Variants in PARD3B observed in about 807,000 individuals in gnomAD.
The protein encoded by PARD3B is partitioning defective 3 homolog B.
A neutral mutation model predicts 130.2 loss-of-function variants in PARD3B; 103 were observed. The observed-to-expected ratio is 0.79, with a 90% CI of 0.67 to 0.93. The LOEUF is 0.93. Ranked by LOEUF, PARD3B falls within the 40% of genes least tolerant of loss-of-function variation. The pLI, the probability that PARD3B is intolerant of heterozygous loss-of-function variation, is 0.00. For synonymous variants in PARD3B, 583 were observed against 553.2 expected, an observed-to-expected ratio of 1.05 and a Z score of -0.76; for missense variants, 1,609 against 1,499.2, an observed-to-expected ratio of 1.07 and a Z score of -1.21.
chr2:205,581,303 G>GAT lies in PARD3B; in HGVS notation c.3260+27902_3260+27903dup, dbSNP rs1559238346. Among the ~76,000 whole-genome samples, 23 of 104,286 alleles carry GAT rather than the reference G, an allele frequency of 2.2e-4. No homozygotes were observed. The East Asian group carries it at 2.3e-3, about 10-fold the overall frequency. The allele number at this position is 104,286 out of a possible 152,430, so 68.4% of individuals were successfully genotyped here. A position where few individuals can be genotyped will look rare whatever the true frequency, so the allele number is the denominator to read the frequency against. ...ATAGATATATAGATAGATATAGATA[G>GAT]ATAGATAGATCCTGTCATTTATATC... On this transcript the variant is annotated intron_variant, in intron 22 of 22. Transcript: ENST00000406610.
intron 2 of PARD3B, among the ~76,000 whole-genome samples, chr2:204,759,118 T>A (rs1466812013): frequency 6.6e-6 from 1 of 152,196 alleles, no homozygotes; most frequent in Non-Finnish European, 1.5e-5. Context: ...TCTTGTAATG[T>A]TCTCATAATA....
intron 11 of PARD3B, among the ~76,000 whole-genome samples, chr2:205,162,739 A>AG (rs2034575368): frequency 6.6e-6 from 1 of 152,220 alleles, no homozygotes; most frequent in South Asian, 2.1e-4. Context: ...TGTTGCAGTT[A>AG]GAAAAAATAC....
intron 21 of PARD3B, among the ~76,000 whole-genome samples, chr2:205,510,935 C>T (rs968184842): frequency 6.6e-6 from 1 of 152,156 alleles, no homozygotes; most frequent in Admixed American, 6.6e-5. Flanking sequence ...GGTTCCAAGA[C>T]CTTGCCTCAT....
intron 2 of PARD3B, among the ~76,000 whole-genome samples, chr2:204,845,575 A>G (rs1164837481): frequency 6.6e-6 from 1 of 152,092 alleles, no homozygotes; most frequent in Admixed American, 6.6e-5. Flanking sequence ...TGAAAAACAG[A>G]GATTCTAAAG....
chr2:204,574,068 G>C (rs2032135929), intron 1 of PARD3B, among the ~76,000 whole-genome samples: 1 of 152,138 alleles, frequency 6.6e-6, no homozygotes, highest in Non-Finnish European at 1.5e-5. Context: ...TTTCTTCTGG[G>C]CTTTTCCCTC....
chr2:205,500,839 A>G (rs771394812), intron 21 of PARD3B, among the ~76,000 whole-genome samples: 1 of 152,172 alleles, frequency 6.6e-6, no homozygotes, highest in Non-Finnish European at 1.5e-5. Context: ...TGGTAATAGC[A>G]GTGTCCTTGC....
chr2:205,311,481 T>G (rs976716593), intron 18 of PARD3B, among the ~76,000 whole-genome samples: 1 of 152,230 alleles, frequency 6.6e-6, no homozygotes, highest in African/African-American at 2.4e-5. Flanking sequence ...TAAGGAATGA[T>G]AGACATTACC....
intron 2 of PARD3B, among the ~76,000 whole-genome samples, chr2:204,894,829 A>G (rs2046585267): frequency 6.6e-6 from 1 of 152,120 alleles, no homozygotes; most frequent in Non-Finnish European, 1.5e-5. Context: ...AAAATGAACT[A>G]AGGTAATATA....
At chr2:204,894,134 C>T (rs193290971) in intron 2 of PARD3B, among the ~76,000 whole-genome samples, 41 of 150,688 alleles carry the variant, frequency 2.7e-4, no homozygotes, top group African/African-American at 9.5e-4. Flanking sequence ...TCATTTATAA[C>T]ATTTGTAAAG....
intron 1 of PARD3B, among the ~76,000 whole-genome samples, chr2:204,657,515 A>AT (rs112340965): frequency 7.1e-4 from 107 of 150,904 alleles, no homozygotes; most frequent in African/African-American, 2.4e-3. Context: ...TAAAAAAAAA[A>AT]TTTTTTTTTT....
intron 3 of PARD3B, among the ~76,000 whole-genome samples, chr2:205,000,512 C>T (rs932936643): frequency 5.3e-5 from 8 of 152,088 alleles, no homozygotes; most frequent in Admixed American, 2.6e-4. Context: ...AAAAGCAATC[C>T]CCCATTTTCC....
chr2:205,315,489 A>C (rs2042534425), intron 18 of PARD3B, among the ~76,000 whole-genome samples: 1 of 152,146 alleles, frequency 6.6e-6, no homozygotes, highest in Admixed American at 6.6e-5. Context: ...AGAGCTTGTT[A>C]TAGATTCCTG....
intron 3 of PARD3B, among the ~76,000 whole-genome samples, chr2:205,024,393 T>G (rs1696862969): frequency 6.6e-6 from 1 of 152,070 alleles, no homozygotes; most frequent in Admixed American, 6.6e-5. Flanking sequence ...GGTCTCGAAC[T>G]CCACACCTCA....
intron 4 of PARD3B, among the ~76,000 whole-genome samples, chr2:205,074,329 T>A (rs1199097022): frequency 6.6e-6 from 1 of 152,208 alleles, no homozygotes; most frequent in Non-Finnish European, 1.5e-5. Context: ...TGTAATATAT[T>A]TGCATATATC....
At chr2:205,322,526 G>T (rs1035562267) in intron 18 of PARD3B, among the ~76,000 whole-genome samples, 2 of 152,170 alleles carry the variant, frequency 1.3e-5, no homozygotes, top group Non-Finnish European at 1.5e-5. Flanking sequence ...ATCCATGTGT[G>T]TTCCTCATCG....
intron 2 of PARD3B, among the ~76,000 whole-genome samples, chr2:204,724,557 G>A (rs2039135687): frequency 6.6e-6 from 1 of 152,124 alleles, no homozygotes; most frequent in Non-Finnish European, 1.5e-5. Flanking sequence ...TCAGTGGGTA[G>A]TTAAAAATTC....
At chr2:205,246,961 T>C (rs1020422228) in intron 16 of PARD3B, among the ~76,000 whole-genome samples, 2 of 152,180 alleles carry the variant, frequency 1.3e-5, no homozygotes, top group Non-Finnish European at 2.9e-5. Flanking sequence ...TCTCTACTAC[T>C]GGACATATTT....
intron 20 of PARD3B, among the ~76,000 whole-genome samples, chr2:205,483,545 A>G (rs1350130131): frequency 6.6e-6 from 1 of 152,206 alleles, no homozygotes; most frequent in African/African-American, 2.4e-5. Flanking sequence ...TCATTTTATT[A>G]TAAGGATGCA....
At chr2:204,757,626 G>A (rs1263812796) in intron 2 of PARD3B, among the ~76,000 whole-genome samples, 1 of 152,068 alleles carries the variant, frequency 6.6e-6, no homozygotes, top group African/African-American at 2.4e-5. Flanking sequence ...TTTGGCTCAT[G>A]TCAGATAAAG....
Sources: allele counts gnomAD v4.1 joint callset (sites outside exome capture counted in the v4.1 genomes callset), GRCh38; gene constraint gnomAD v4.1.1; transcripts MANE v1.5; gene names NCBI Gene and HGNC (gene_info 2026-07-23, HGNC 2026-07-21).